The following WWOX variants were observed in gnomAD, a reference collection of about 807,000 sequenced individuals.
WWOX encodes the protein WW domain-containing oxidoreductase.
WWOX carries 69 observed loss-of-function variants against 46.2 expected under a neutral mutation model. The observed-to-expected ratio is 1.49, with a 90% CI of 1.23 to 1.82. WWOX has a LOEUF of 1.82. Among genes scored for constraint, WWOX ranks in the 40% most tolerant of loss-of-function variants. WWOX has a pLI of 0.00. For synonymous variants in WWOX, 359 were observed against 202.6 expected (o/e 1.77, Z -6.56); for missense variants, 919 against 542.6 (o/e 1.69, Z -6.89).
intron 8 of WWOX, among the ~76,000 whole-genome samples, chr16:78,673,563 G>A (rs2047517592): frequency 6.6e-6 from 1 of 152,134 alleles, no homozygotes; most frequent in Admixed American, 6.6e-5. Context: ...ATGGTTGAAG[G>A]GGAAAGGAGT....
chr16:78,917,208 A>G (rs1436622915), intron 8 of WWOX, among the ~76,000 whole-genome samples: 1 of 152,196 alleles, frequency 6.6e-6, no homozygotes, highest in East Asian at 1.9e-4. Context: ...GGGTCACATG[A>G]TCTACCTTAC....
intron 8 of WWOX, among the ~76,000 whole-genome samples, chr16:78,873,718 G>A (rs1401530165): frequency 6.6e-6 from 1 of 152,166 alleles, no homozygotes; most frequent in South Asian, 2.1e-4. Flanking sequence ...GAGGCCGGAA[G>A]TTCAAGGCTG....
intron 8 of WWOX, among the ~76,000 whole-genome samples, chr16:78,983,788 A>G (rs1274717875): frequency 6.6e-6 from 1 of 151,340 alleles, no homozygotes; most frequent in Non-Finnish European, 1.5e-5. Context: ...TTTGAGACAT[A>G]TCTCCTACAG....
chr16:78,813,042 C>T (rs901175406), intron 8 of WWOX, among the ~76,000 whole-genome samples: 6 of 150,126 alleles, frequency 4.0e-5, no homozygotes, highest in Admixed American at 1.3e-4. Context: ...TTCTTATTTC[C>T]GTCTAGTTAT....
intron 8 of WWOX, among the ~76,000 whole-genome samples, chr16:78,575,829 C>G (rs571519025): frequency 1.3e-5 from 2 of 152,124 alleles, no homozygotes; most frequent in South Asian, 4.2e-4. Flanking sequence ...ATGGAAAATG[C>G]CTAGATAAAT....
chr16:78,733,769 T>C (rs1177398702), intron 8 of WWOX, among the ~76,000 whole-genome samples: 4 of 149,188 alleles, frequency 2.7e-5, no homozygotes, highest in Admixed American at 2.7e-4. Context: ...AATAAGTAAA[T>C]AAAATAACTA....
intron 8 of WWOX, among the ~76,000 whole-genome samples, chr16:78,603,543 A>T (rs2151620125): frequency 6.6e-6 from 1 of 152,190 alleles, no homozygotes; most frequent in East Asian, 1.9e-4. Context: ...AAAAATAAAA[A>T]ATTAGCTGGG....
At chr16:78,529,654 A>G (rs531022669) in intron 8 of WWOX, among the ~76,000 whole-genome samples, 5 of 151,616 alleles carry the variant, frequency 3.3e-5, no homozygotes, top group African/African-American at 9.7e-5. Context: ...TTTTTAGTAG[A>G]GATGGGGTTT....
chr16:78,746,309 G>A (rs1270642809), intron 8 of WWOX, among the ~76,000 whole-genome samples: 1 of 152,104 alleles, frequency 6.6e-6, no homozygotes, highest in Non-Finnish European at 1.5e-5. Context: ...ACCAGCCTTG[G>A]CAATATAGCA....
At chr16:78,136,448 C>CTT (rs1567591952) in intron 4 of WWOX, among the ~76,000 whole-genome samples, 22 of 152,182 alleles carry the variant, frequency 1.4e-4, no homozygotes. Context: ...ATGTCTCTCT[C>CTT]TTTAGACCTT....
chr16:78,413,161 G>A (rs1597193335), intron 6 of WWOX, among the ~76,000 whole-genome samples: 1 of 152,290 alleles, frequency 6.6e-6, no homozygotes, highest in East Asian at 1.9e-4. Flanking sequence ...AGCTGTATGG[G>A]AAACCAGAGT....
intron 5 of WWOX, among the ~76,000 whole-genome samples, chr16:78,279,859 C>G (rs928146267): frequency 2.0e-5 from 3 of 152,244 alleles, no homozygotes; most frequent in African/African-American, 7.2e-5. Flanking sequence ...GATGTATTTT[C>G]CTGACGATTG....
At chr16:78,232,516 A>G (rs2037301191) in intron 5 of WWOX, among the ~76,000 whole-genome samples, 1 of 152,186 alleles carries the variant, frequency 6.6e-6, no homozygotes, top group South Asian at 2.1e-4. Context: ...TTGGTAGATA[A>G]GGATTTTATG....
At chr16:78,371,508 T>A (rs1405316618) in intron 5 of WWOX, among the ~76,000 whole-genome samples, 3 of 149,458 alleles carry the variant, frequency 2.0e-5, no homozygotes, top group Non-Finnish European at 4.4e-5. Context: ...GACCATTTTA[T>A]CTAAATATTC....
intron 8 of WWOX, among the ~76,000 whole-genome samples, chr16:78,724,143 C>G (rs369258578): frequency 2.0e-5 from 3 of 152,288 alleles, no homozygotes; most frequent in Non-Finnish European, 4.4e-5. Context: ...GACTATTTAG[C>G]CAGTCTTTGC....
chr16:79,152,459 C>G (rs559619238), intron 8 of WWOX, among the ~76,000 whole-genome samples: 14 of 152,200 alleles, frequency 9.2e-5, no homozygotes, highest in African/African-American at 3.1e-4. Context: ...ATCACGAGGT[C>G]AAGAGATCCA....
chr16:78,100,160 C>G (rs941003128), intron 1 of WWOX: 16 of 1,298,616 alleles, frequency 1.2e-5, no homozygotes, highest in East Asian at 3.8e-5. Context: ...GCAAAGCGGC[C>G]TCATCCCCGC....
chr16:78,876,981 T>G (rs369184424), intron 8 of WWOX, among the ~76,000 whole-genome samples: 31 of 152,328 alleles, frequency 2.0e-4, no homozygotes, highest in Admixed American at 1.3e-4. Context: ...CTTATTACTT[T>G]GCCTGTTAAG....
chr16:79,094,083 A>C (rs28489583), intron 8 of WWOX, among the ~76,000 whole-genome samples: 6 of 152,050 alleles, frequency 3.9e-5, no homozygotes, highest in Non-Finnish European at 8.8e-5. Flanking sequence ...CCCACCTAGC[A>C]CTCATCCCAC....
Sources: gnomAD v4.1 joint callset for allele counts (sites outside exome capture counted in the v4.1 genomes callset) on GRCh38, gnomAD v4.1.1 for gene constraint, MANE v1.5 for transcripts, NCBI Gene and HGNC (gene_info 2026-07-23, HGNC 2026-07-21) for gene names.